PUDP: variants seen among roughly 807,000 people sequenced by gnomAD.
PUDP encodes pseudouridine-5'-phosphatase.
In PUDP, 8 loss-of-function variants were observed where a neutral mutation model predicts 9.4. The observed-to-expected ratio is 0.85, with a 90% CI of 0.50 to 1.53. The LOEUF is 1.53. Among genes scored for constraint, PUDP ranks in the 40% most tolerant of loss-of-function variants. The probability of loss-of-function intolerance (pLI) is 0.00; values close to 1 mark genes in which losing one functional copy is unlikely to be tolerated. For synonymous variants in PUDP, 99 were observed against 80.7 expected, an observed-to-expected ratio of 1.23 and a Z score of -1.22; for missense variants, 188 against 189.7, an observed-to-expected ratio of 0.99 and a Z score of 0.05.
chrX:6,909,863 T>C (rs1354784639), intron 3 of PUDP, among the ~76,000 whole-genome samples: 1 of 112,532 alleles, frequency 8.9e-6, no homozygotes, highest in African/African-American at 3.2e-5. Context: ...TCAGTATTAT[T>C]TGATTCTGAT....
Position 6,734,242 on chromosome X carries a change from C to T in PUDP, c.*248-27776G>A, listed in dbSNP as rs73457835. On this transcript the variant is annotated intron_variant and NMD_transcript_variant, in intron 3 of 3. Transcript: ENST00000655425. ...TTATCCAAAGGGTATGAAGTTTCAG[C>T]TAGACAGGAGGAATAAGTTTTTAAG... 6.3e-3 allele frequency among the ~76,000 whole-genome samples: 698 copies of T among 111,364 alleles called. 4 individuals carry two copies. The highest frequency in any genetic ancestry group is 0.022 in the African/African-American group (663 of 30,601).
At chrX:6,855,150 A>C (rs761464704) in intron 3 of PUDP, among the ~76,000 whole-genome samples, 4 of 109,528 alleles carry the variant, frequency 3.7e-5, no homozygotes, top group Admixed American at 9.7e-5. Flanking sequence ...AAGTGAGAAT[A>C]AGGAGGATGA....
chrX:6,803,389 CA>C (rs766090766), intron 3 of PUDP, among the ~76,000 whole-genome samples: 1 of 110,451 alleles, frequency 9.1e-6, no homozygotes, highest in South Asian at 3.8e-4. Context: ...AGAAATCCTT[CA>C]AAAAAAACAA....
intron 1 of PUDP, among the ~76,000 whole-genome samples, chrX:7,145,636 T>C (rs752548186): frequency 2.7e-5 from 3 of 109,666 alleles, no homozygotes; most frequent in Non-Finnish European, 5.7e-5. Flanking sequence ...AACAGCATCG[T>C]GCATGTCAAA....
At chrX:6,928,104 T>G (rs1928134592) in intron 3 of PUDP, among the ~76,000 whole-genome samples, 1 of 110,006 alleles carries the variant, frequency 9.1e-6, no homozygotes, top group African/African-American at 3.3e-5. Context: ...GAGCTTATTT[T>G]GTGTTTTTAG....
chrX:6,994,235 A>G (rs191445874), intron 1 of PUDP, among the ~76,000 whole-genome samples: 1 of 111,342 alleles, frequency 9.0e-6, no homozygotes, highest in African/African-American at 3.3e-5. Context: ...CAACACTGTG[A>G]GACCCTGTCT....
At position 6,841,225 on chromosome X, in the gene PUDP, C is replaced by T. The variant is rs185222012; in HGVS notation, c.*248-134759G>A. On this transcript the variant is annotated intron_variant and NMD_transcript_variant, in intron 3 of 3. Coordinates refer to the PUDP transcript ENST00000655425. ...CCAGGAGGCAGAGGTTGCAGTGAGC[C>T]GAGATTGCGCCACTGCACTCCAGCC... Among the ~76,000 whole-genome samples the T allele has an allele frequency of 8.3e-5, 9 of 108,178 alleles. No homozygotes were observed. In the South Asian group the frequency reaches 1.2e-3, roughly 15 times the overall value. The allele number at this position is 108,178 out of a possible 115,157, so 93.9% of individuals were successfully genotyped here.
chrX:6,794,230 T>C (rs934418702), intron 3 of PUDP, among the ~76,000 whole-genome samples: 1 of 112,155 alleles, frequency 8.9e-6, no homozygotes, highest in Non-Finnish European at 1.9e-5. Flanking sequence ...CACACCGAGG[T>C]TGTGTGCGAT....
intron 3 of PUDP, among the ~76,000 whole-genome samples, chrX:6,876,951 A>G (rs1302352212): frequency 5.9e-5 from 5 of 84,153 alleles, no homozygotes; most frequent in South Asian, 5.7e-4. Flanking sequence ...ATATATGTGT[A>G]CACACACACA....
chrX:6,780,627 T>G (rs1484397891), intron 3 of PUDP, among the ~76,000 whole-genome samples: 2 of 111,560 alleles, frequency 1.8e-5, no homozygotes, highest in Admixed American at 1.9e-4. Flanking sequence ...GTCCTCATCC[T>G]AGGCTTTAAG....
intron 3 of PUDP, among the ~76,000 whole-genome samples, chrX:6,951,761 G>A (rs537847103): frequency 1.4e-4 from 16 of 112,029 alleles, no homozygotes; most frequent in Non-Finnish European, 2.3e-4. Context: ...TGCTGCAGTC[G>A]GCATGCCTTC....
At chrX:6,820,793 T>C (rs1386683655) in intron 3 of PUDP, among the ~76,000 whole-genome samples, 4 of 111,555 alleles carry the variant, frequency 3.6e-5, no homozygotes, top group Non-Finnish European at 5.7e-5. Context: ...TGGCATTGAG[T>C]GTCTGCGGCT....
intron 3 of PUDP, among the ~76,000 whole-genome samples, chrX:6,745,261 A>G (rs761283882): frequency 2.0e-4 from 23 of 112,315 alleles, no homozygotes; most frequent in Non-Finnish European, 3.8e-4. Context: ...CTCACCGCTG[A>G]TTATAGAGAC....
chrX:6,713,513 G>A (rs1924558300), intron 1 of PUDP, among the ~76,000 whole-genome samples: 1 of 112,133 alleles, frequency 8.9e-6, no homozygotes, highest in Non-Finnish European at 1.9e-5. Context: ...GCTAATGTAT[G>A]TGTTCTGAAC....
intron 1 of PUDP, among the ~76,000 whole-genome samples, chrX:7,031,761 A>G (rs1370708489): frequency 1.8e-5 from 2 of 112,448 alleles, no homozygotes; most frequent in Non-Finnish European, 3.8e-5. Context: ...ATGAACTTTG[A>G]TCCCTTACCC....
At chrX:6,923,115 C>A (rs1379884280) in intron 3 of PUDP, among the ~76,000 whole-genome samples, 1 of 111,544 alleles carries the variant, frequency 9.0e-6, no homozygotes, top group African/African-American at 3.3e-5. Context: ...GCATTTGATA[C>A]AGTGGACTGC....
At chrX:7,017,715 C>T (rs1929570627) in intron 1 of PUDP, among the ~76,000 whole-genome samples, 1 of 111,752 alleles carries the variant, frequency 8.9e-6, no homozygotes, top group African/African-American at 3.3e-5. Context: ...CGGTGCAAAC[C>T]CACCCAATGT....
intron 2 of PUDP, among the ~76,000 whole-genome samples, chrX:7,079,686 T>C (rs1349690491): frequency 8.9e-6 from 1 of 112,851 alleles, no homozygotes; most frequent in Non-Finnish European, 1.9e-5. Flanking sequence ...AATATTTGGA[T>C]GTTACACTTC....
chrX:6,996,092 G>T, intron 1 of PUDP, among the ~76,000 whole-genome samples: 1 of 110,820 alleles, frequency 9.0e-6, no homozygotes, highest in Non-Finnish European at 1.9e-5. Flanking sequence ...TAATCCATAT[G>T]GGCAAATACA....
Sources: gnomAD v4.1 joint callset for allele counts (sites outside exome capture counted in the v4.1 genomes callset) on GRCh38, gnomAD v4.1.1 for gene constraint, MANE v1.5 for transcripts, NCBI Gene and HGNC (gene_info 2026-07-23, HGNC 2026-07-21) for gene names.